Variants in CNTN4 observed in about 807,000 individuals in gnomAD.
CNTN4 encodes the protein contactin 4.
In CNTN4, 77 loss-of-function variants were observed where a neutral mutation model predicts 122.5. That is an observed-to-expected ratio of 0.63 (90% confidence interval 0.52 to 0.76). CNTN4 has a LOEUF of 0.76. Ranked by LOEUF, CNTN4 falls within the 30% of genes least tolerant of loss-of-function variation. The pLI is 0.00. For missense variants in CNTN4, 1,256 were observed against 1,259.1 expected (o/e 1.00, Z 0.04); for synonymous variants, 512 against 447.0 (o/e 1.15, Z -1.83).
At chr3:2,216,321 T>A (rs186240899) in intron 2 of CNTN4, among the ~76,000 whole-genome samples, 8 of 152,188 alleles carry the variant, frequency 5.3e-5, no homozygotes, top group African/African-American at 1.7e-4. Flanking sequence ...CACTTATAAG[T>A]GGGAGCTAAA....
chr3:2,365,380 CAACTT>C (rs2045337698), intron 3 of CNTN4, among the ~76,000 whole-genome samples: 1 of 152,180 alleles, frequency 6.6e-6, no homozygotes, highest in African/African-American at 2.4e-5. Flanking sequence ...GATTTGTCCT[CAACTT>C]GACTTTCTAA....
chr3:2,337,119 C>A (rs964901380), intron 2 of CNTN4, among the ~76,000 whole-genome samples: 1 of 152,126 alleles, frequency 6.6e-6, no homozygotes, highest in Non-Finnish European at 1.5e-5. Flanking sequence ...CCCCCTCACT[C>A]TTCTTACCTT....
intron 7 of CNTN4, among the ~76,000 whole-genome samples, chr3:2,820,053 G>A (rs1355943443): frequency 1.3e-5 from 2 of 152,114 alleles, no homozygotes. Flanking sequence ...GCTGTCCAAC[G>A]ATTCAATTCC....
intron 2 of CNTN4, among the ~76,000 whole-genome samples, chr3:2,176,277 C>T (rs989444601): frequency 1.1e-4 from 17 of 152,014 alleles, no homozygotes; most frequent in Non-Finnish European, 2.2e-4. Flanking sequence ...ACCACTGTCC[C>T]GGTAAGGAAT....
At chr3:2,782,625 T>C (rs1342890784) in intron 6 of CNTN4, among the ~76,000 whole-genome samples, 1 of 152,046 alleles carries the variant, frequency 6.6e-6, no homozygotes, top group Non-Finnish European at 1.5e-5. Flanking sequence ...AGTTGTGATA[T>C]ACCACCGGGC....
chr3:2,383,805 CCT>C (rs1559505045), intron 3 of CNTN4, among the ~76,000 whole-genome samples: 1 of 150,980 alleles, frequency 6.6e-6, no homozygotes, highest in South Asian at 2.1e-4. Flanking sequence ...CTCTCTTCTC[CCT>C]CTGTCTCCCT....
At chr3:2,148,333 A>C (rs2035340849) in intron 2 of CNTN4, among the ~76,000 whole-genome samples, 2 of 151,918 alleles carry the variant, frequency 1.3e-5, no homozygotes, top group Admixed American at 1.3e-4. Context: ...CAGGAGTTTG[A>C]GAGTAGCCTG....
chr3:2,101,390 T>G (rs1307456182), intron 2 of CNTN4, among the ~76,000 whole-genome samples: 1 of 152,216 alleles, frequency 6.6e-6, no homozygotes, highest in Non-Finnish European at 1.5e-5. Flanking sequence ...TGATTTTAAC[T>G]TGTTGTTTCT....
chr3:2,562,188 C>T (rs917691858), intron 3 of CNTN4, among the ~76,000 whole-genome samples: 1 of 152,192 alleles, frequency 6.6e-6, no homozygotes, highest in Admixed American at 6.5e-5. Flanking sequence ...AGAAATTCAA[C>T]AGAGTGTTTA....
intron 2 of CNTN4, among the ~76,000 whole-genome samples, chr3:2,230,855 G>A (rs932091486): frequency 6.6e-5 from 10 of 152,130 alleles, no homozygotes; most frequent in South Asian, 2.1e-4. Context: ...GAGCATGGTG[G>A]TGCACGCCTC....
At chr3:2,183,918 A>C (rs997949460) in intron 2 of CNTN4, among the ~76,000 whole-genome samples, 4 of 152,316 alleles carry the variant, frequency 2.6e-5, no homozygotes, top group African/African-American at 9.6e-5. Context: ...ATAACAGAGA[A>C]TATCCTCTCC....
intron 11 of CNTN4, 83 bp from the exon 12 acceptor site, chr3:2,902,793 C>T: frequency 7.0e-7 from 1 of 1,437,906 alleles, no homozygotes; most frequent in East Asian, 2.4e-5. Context: ...CATTAAGCTT[C>T]CTTGATATTA....
chr3:3,049,230 C>A (rs772264257), intron 23 of CNTN4, among the ~76,000 whole-genome samples: 26 of 152,028 alleles, frequency 1.7e-4, no homozygotes, highest in Admixed American at 2.6e-4. Context: ...CTACAGGCGC[C>A]CACCACCACG....
chr3:2,992,208 C>T (rs992672642), intron 14 of CNTN4, among the ~76,000 whole-genome samples: 16 of 152,318 alleles, frequency 1.1e-4, no homozygotes, highest in African/African-American at 3.8e-4. Context: ...TCTGCATGAG[C>T]AGGCTCCCAA....
At chr3:2,583,968 C>CAGTGG (rs1229240806) in intron 4 of CNTN4, among the ~76,000 whole-genome samples, 25 of 152,264 alleles carry the variant, frequency 1.6e-4, no homozygotes, top group Admixed American at 1.5e-3. Flanking sequence ...GTACAGCCCA[C>CAGTGG]AGTGGATAAG....
At chr3:2,270,693 T>G (rs13063865) in intron 2 of CNTN4, among the ~76,000 whole-genome samples, 2 of 125,436 alleles carry the variant, frequency 1.6e-5, no homozygotes, top group Non-Finnish European at 3.9e-5. Context: ...AACCATGAGA[T>G]TTGCTTAAGG....
chr3:2,507,234 T>G (rs1202753919), intron 3 of CNTN4, among the ~76,000 whole-genome samples: 1 of 152,056 alleles, frequency 6.6e-6, no homozygotes, highest in African/African-American at 2.4e-5. Context: ...GGTTAACATA[T>G]TGAGCCAGAT....
chr3:2,786,681 G>T (rs1434311382), intron 6 of CNTN4, among the ~76,000 whole-genome samples: 3 of 152,168 alleles, frequency 2.0e-5, no homozygotes, highest in Non-Finnish European at 2.9e-5. Flanking sequence ...TCATTATCAT[G>T]TTCTGGAAAT....
At chr3:2,411,702 A>G (rs2047231865) in intron 3 of CNTN4, among the ~76,000 whole-genome samples, 2 of 152,072 alleles carry the variant, frequency 1.3e-5, no homozygotes, top group South Asian at 2.1e-4. Context: ...ATAAAAAATC[A>G]AGTTATTGGA....
Sources: gnomAD v4.1 joint callset for allele counts (sites outside exome capture counted in the v4.1 genomes callset) on GRCh38, gnomAD v4.1.1 for gene constraint, MANE v1.5 for transcripts, NCBI Gene and HGNC (gene_info 2026-07-23, HGNC 2026-07-21) for gene names.